The following GGNBP2 variants were observed in gnomAD, a reference collection of about 807,000 sequenced individuals.
The protein encoded by GGNBP2 is gametogenetin binding protein 2, also known as gametogenetin-binding protein 2.
A neutral mutation model predicts 85.9 loss-of-function variants in GGNBP2; 10 were observed. The ratio of observed to expected loss-of-function variants is 0.12; its 90% CI spans 0.07 to 0.20. The LOEUF (loss-of-function observed/expected upper bound fraction) is 0.20. Among genes scored for constraint, GGNBP2 ranks in the 10% least tolerant of loss-of-function variants. The pLI, the probability that GGNBP2 is intolerant of heterozygous loss-of-function variation, is 1.00. For synonymous variants in GGNBP2, 287 were observed against 285.7 expected (o/e 1.00, Z -0.05); for missense variants, 595 against 857.8 (o/e 0.69, Z 3.83).
rs1174323612 is a variant in GGNBP2 at position 36,587,223 on chromosome 17, C to G, written c.1868C>G (p.Ala623Gly). 1.9e-6 allele frequency: 3 copies of G among 1,614,060 alleles called. No homozygotes were observed. Among genetic ancestry groups the G allele is most frequent in the African/African-American group, 1.3e-5 (1 of 74,996 alleles). Residue 623 changes from alanine to glycine, a missense_variant, in exon 13 of 14, where the codon GCC becomes GGC. Ala to Gly is a moderately conservative substitution (Grantham distance 60). Around this residue, in one of 9 missense-constraint regions of GGNBP2, gnomAD observed 120 missense variants for 126.3 expected, o/e 0.95. Transcript: ENST00000613102. ...TLFGPDSGKGAKSLVELLDES... is the reference protein window; with the variant it reads ...TLFGPDSGKGGKSLVELLDES... ...TTTGGTCCCGATTCCGGAAAAGGTGCCAAGAGCTTAGTTGAACTCCTTGTA... is the reference window on the plus strand; with the variant it reads ...TTTGGTCCCGATTCCGGAAAAGGTGGCAAGAGCTTAGTTGAACTCCTTGTA...
In GGNBP2 at chr17:36,563,499, T is replaced by A. The variant is rs879480370; in HGVS notation, c.527+2628T>A. On this transcript the variant is annotated intron_variant, in intron 5 of 13. Coordinates refer to ENST00000613102, the MANE Select transcript of GGNBP2 (RefSeq NM_024835.5). ...ACATGCATCTCTAAATATATGGACA[T>A]TTTTTTTCACACATTGCCATCATAA... 4.4e-4 allele frequency among the ~76,000 whole-genome samples: 67 copies of A among 151,518 alleles called. 1 individual carries two copies. Among genetic ancestry groups the A allele is most frequent in the Non-Finnish European group, 8.1e-4 (55 of 67,938 alleles).
At chr17:36,572,177 ATATAT>A (rs1014550723) in intron 6 of GGNBP2, among the ~76,000 whole-genome samples, 32 of 152,226 alleles carry the variant, frequency 2.1e-4, no homozygotes, top group Non-Finnish European at 4.4e-5. Context: ...ACAATCAAAC[ATATAT>A]TAAACTACTA....
intron 1 of GGNBP2, 194 bp from the exon 2 acceptor site, chr17:36,545,425 G>C: frequency 2.7e-6 from 1 of 365,734 alleles, no homozygotes; most frequent in East Asian, 4.2e-5. Flanking sequence ...GCGGGCGGGA[G>C]AGAGGGAGGG....
chr17:36,571,168 C>T (rs1555606737), intron 6 of GGNBP2, among the ~76,000 whole-genome samples: 1 of 152,176 alleles, frequency 6.6e-6, no homozygotes, highest in Non-Finnish European at 1.5e-5. Flanking sequence ...CATTGTGGCT[C>T]AAGCCTATAA....
Position 36,587,152 on chromosome 17 carries a change from G to A in GGNBP2, c.1797G>A (p.Glu599=), listed in dbSNP as rs2074710382. Residue 599 remains glutamate, a synonymous_variant, in exon 13 of 14, where the codon GAG becomes GAA. Transcript: ENST00000613102. ...GTGGGCAGCCATTGCCTTGGTTTGA[G>A]CATAGGAAAAATGTACCACAGTTTG... The part of the protein sequence containing the change: ...EKGGQPLPWF[E]HRKNVPQFAE... 2 of 1,613,952 alleles carry A rather than the reference G, an allele frequency of 1.2e-6. No homozygotes were observed. Among genetic ancestry groups the A allele is most frequent in the Non-Finnish European group, 1.7e-6 (2 of 1,180,032 alleles).
intron 6 of GGNBP2, among the ~76,000 whole-genome samples, chr17:36,570,957 T>C (rs1252974710): frequency 2.0e-5 from 3 of 151,274 alleles, no homozygotes; most frequent in Non-Finnish European, 4.4e-5. Context: ...GAGGCAGAGT[T>C]TGCAGTGAGC....
At chr17:36,578,456 A>C in intron 7 of GGNBP2, 1 of 374,074 alleles carries the variant, frequency 2.7e-6, no homozygotes, top group Non-Finnish European at 4.8e-6. Context: ...ACAGACTATC[A>C]TTTTCATTTG....
chr17:36,553,400 G>A (rs1599500920), intron 2 of GGNBP2, among the ~76,000 whole-genome samples: 1 of 151,934 alleles, frequency 6.6e-6, no homozygotes, highest in Admixed American at 6.5e-5. Context: ...TATTGCTTAC[G>A]TTTGACTTAG....
chr17:36,587,815 A>AG (rs2074717707), intron 13 of GGNBP2, among the ~76,000 whole-genome samples: 2 of 152,228 alleles, frequency 1.3e-5, no homozygotes, highest in South Asian at 4.1e-4. Context: ...TGAAGCCAGG[A>AG]GGCGGAGGTT....
At chr17:36,572,376 G>C (rs770366481) in intron 6 of GGNBP2, among the ~76,000 whole-genome samples, 1 of 152,032 alleles carries the variant, frequency 6.6e-6, no homozygotes, top group African/African-American at 2.4e-5. Flanking sequence ...TTCTGTTCCT[G>C]CGCGCGTATG....
chr17:36,580,822 G>A (rs1300824935), intron 8 of GGNBP2, among the ~76,000 whole-genome samples: 1 of 152,034 alleles, frequency 6.6e-6, no homozygotes, highest in Non-Finnish European at 1.5e-5. Context: ...GAGAGGCTGA[G>A]GCAGGAGAAT....
chr17:36,569,501 G>T (rs1466960549), intron 6 of GGNBP2, among the ~76,000 whole-genome samples: 3 of 152,198 alleles, frequency 2.0e-5, no homozygotes, highest in Admixed American at 6.5e-5. Flanking sequence ...GTTTGTGGTT[G>T]TATGTCCTTT....
chr17:36,546,156 C>G, intron 2 of GGNBP2: 1 of 404,958 alleles, frequency 2.5e-6, no homozygotes, highest in Non-Finnish European at 4.4e-6. Flanking sequence ...GGGCCTACCC[C>G]ATACAGAAAC....
chr17:36,586,973 T>G lies in GGNBP2; in HGVS notation c.1642-24T>G, dbSNP rs1240116937. ...CTATTATATCATGCCTTTTTACCTG[T>G]GAAATCCTTTGCTGTGGTATCAGAT... On this transcript the variant is annotated intron_variant, in intron 12 of 13. Transcript: ENST00000613102. 3.1e-6 allele frequency: 5 copies of G among 1,606,428 alleles called. No individual in the cohort carries two copies. In the Admixed American group the frequency reaches 5.0e-5, roughly 16 times the overall value.
In GGNBP2 at chr17:36,544,927, G is replaced by C. The variant is rs1411994109; in HGVS notation, c.-277G>C. 1 of 123,276 alleles carries C rather than the reference G, an allele frequency of 8.1e-6. No homozygotes were observed. Among genetic ancestry groups the C allele is most frequent in the Non-Finnish European group, 1.7e-5 (1 of 58,974 alleles). The allele number at this position is 123,276 out of a possible 1,614,324, so 7.6% of individuals were successfully genotyped here. A position where few individuals can be genotyped will look rare whatever the true frequency, so the allele number is the denominator to read the frequency against. ...CCCCGCCCTCCTTCTTCCACTCCCC[G>C]CGGCGCGAGCGGCTGACTGCCCGTA... On this transcript the variant is annotated 5_prime_UTR_variant, in exon 1 of 14. Transcript: ENST00000613102.
chr17:36,570,516 A>G (rs970444977), intron 6 of GGNBP2, among the ~76,000 whole-genome samples: 2 of 152,224 alleles, frequency 1.3e-5, no homozygotes, highest in Non-Finnish European at 2.9e-5. Flanking sequence ...CCTGGTCAAC[A>G]TGGGGAAACC....
At chr17:36,579,033 A>C in intron 7 of GGNBP2, 1 of 506,120 alleles carries the variant, frequency 2.0e-6, no homozygotes, top group Non-Finnish European at 3.5e-6. Flanking sequence ...CTTTATTTTT[A>C]GCAATACGAG....
intron 6 of GGNBP2, chr17:36,577,118 A>T (rs548231967): frequency 1.6e-4 from 24 of 152,322 alleles, no homozygotes; most frequent in African/African-American, 5.5e-4. Flanking sequence ...TCCTTGTTTC[A>T]CTTAACTAAT....
At chr17:36,588,816 A>C (rs2074729800) in intron 13 of GGNBP2, among the ~76,000 whole-genome samples, 1 of 152,208 alleles carries the variant, frequency 6.6e-6, no homozygotes, top group South Asian at 2.1e-4. Flanking sequence ...CTTAAGTAGA[A>C]AATGGTTATC....
Sources: gnomAD v4.1 joint callset for allele counts (sites outside exome capture counted in the v4.1 genomes callset) on GRCh38, gnomAD v4.1.1 for gene constraint, gnomAD v4.1.1 regional missense constraint, MANE v1.5 for transcripts, NCBI Gene and HGNC (gene_info 2026-07-23, HGNC 2026-07-21) for gene names.